Variants in XPO1 observed in about 807,000 individuals in gnomAD.
The protein encoded by XPO1 is exportin 1.
A neutral mutation model predicts 133.3 loss-of-function variants in XPO1; 5 were observed. The ratio of observed to expected loss-of-function variants is 0.04; its 90% CI spans 0.02 to 0.08. The LOEUF is 0.08. Ranked by LOEUF, XPO1 falls within the 10% of genes least tolerant of loss-of-function variation. The pLI, the probability that XPO1 is intolerant of heterozygous loss-of-function variation, is 1.00. For missense variants in XPO1, 506 were observed against 1,267.5 expected (o/e 0.40, Z 9.12); for synonymous variants, 419 against 408.2 (o/e 1.03, Z -0.32).
At chr2:61,491,432 C>CA (rs1165268040) in intron 16 of XPO1, among the ~76,000 whole-genome samples, 3 of 149,866 alleles carry the variant, frequency 2.0e-5, no homozygotes, top group Admixed American at 6.7e-5. Flanking sequence ...GCATGGACGA[C>CA]AGAGTGAAAC....
At chr2:61,518,133 A>G (rs1166395854) in intron 4 of XPO1, among the ~76,000 whole-genome samples, 1 of 147,738 alleles carries the variant, frequency 6.8e-6, no homozygotes, top group Non-Finnish European at 1.5e-5. Flanking sequence ...CTGTCTCACA[A>G]AAAAAAAAGA....
rs948732669 is a variant in XPO1 at position 61,478,488 on chromosome 2, T to G, written c.*332A>C. ...AATTGGTATTGTTTACAGGAAAAAT[T>G]GTATAATTTTGCATTAGAATTACAA... On this transcript the variant is annotated 3_prime_UTR_variant, in exon 25 of 25. Transcript: ENST00000401558. 1.8e-5 allele frequency: 5 copies of G among 275,364 alleles called. No homozygotes were observed. Among genetic ancestry groups the G allele is most frequent in the Non-Finnish European group, 3.4e-5 (5 of 146,640 alleles). The allele number at this position is 275,364 out of a possible 1,614,324, so 17.1% of individuals were successfully genotyped here. A position where few individuals can be genotyped will look rare whatever the true frequency, so the allele number is the denominator to read the frequency against.
At chr2:61,512,594 T>C (rs552612940) in intron 4 of XPO1, among the ~76,000 whole-genome samples, 1 of 152,210 alleles carries the variant, frequency 6.6e-6, no homozygotes, top group Non-Finnish European at 1.5e-5. Context: ...TAATCAGGAA[T>C]TGACATTAAA....
chr2:61,501,682 C>T (rs1697528022), intron 6 of XPO1, among the ~76,000 whole-genome samples: 1 of 147,060 alleles, frequency 6.8e-6, no homozygotes, highest in African/African-American at 2.6e-5. Context: ...GAGATCATGC[C>T]ACTGCACTCC....
chr2:61,480,248 T>C (rs138224337), intron 24 of XPO1: 1 of 152,082 alleles, frequency 6.6e-6, no homozygotes, highest in African/African-American at 2.4e-5. Context: ...AGTTTAGTTA[T>C]ATTATCATTG....
At chr2:61,526,542 A>C (rs2104781719) in intron 2 of XPO1, 21 bp from the exon 3 acceptor site, 1 of 1,535,790 alleles carries the variant, frequency 6.5e-7, no homozygotes, top group South Asian at 1.3e-5. Context: ...ATTAAAAAAA[A>C]CAAAACTTAA....
Position 61,501,989 on chromosome 2 carries a change from A to G in XPO1, c.408+7T>C, listed in dbSNP as rs775022783. The G allele has an allele frequency of 3.1e-6, 5 of 1,589,406 alleles. No homozygotes were observed. The South Asian group carries it at 4.6e-5, about 15-fold the overall frequency. The stretch of plus-strand genomic sequence containing the variant: ...CTTCTAAGGAAAACAGTTAAGTTAA[A>G]GCTTACCTGAACAAGGATCATATTT... On this transcript the variant is annotated splice_region_variant and intron_variant, in intron 6 of 24. Coordinates refer to ENST00000401558, the MANE Select transcript of XPO1 (RefSeq NM_003400.4).
chr2:61,512,287 T>C (rs1194923034), intron 4 of XPO1, among the ~76,000 whole-genome samples: 1 of 152,200 alleles, frequency 6.6e-6, no homozygotes, highest in African/African-American at 2.4e-5. Flanking sequence ...CACCTCTGAG[T>C]AACACTATCA....
rs184013735 is a variant in XPO1, at chr2:61,512,906, T to C, written c.301+9705A>G. On this transcript the variant is annotated intron_variant, in intron 4 of 24. Coordinates refer to ENST00000401558, the MANE Select transcript of XPO1 (RefSeq NM_003400.4). ...AAATACAAAAATTAGCCGGGTGTGG[T>C]GGTGTGCACCTGTAATCTGGCAGGT... Among the ~76,000 whole-genome samples the C allele has an allele frequency of 1.1e-3, 171 of 152,174 alleles. 2 individuals carry two copies. The highest frequency in any genetic ancestry group is 3.4e-3 in the Middle Eastern group (1 of 294).
chr2:61,514,192 A>C (rs1698239281), intron 4 of XPO1, among the ~76,000 whole-genome samples: 1 of 152,024 alleles, frequency 6.6e-6, no homozygotes, highest in Non-Finnish European at 1.5e-5. Flanking sequence ...GTCTCAAAAA[A>C]AAAAAAAACT....
chr2:61,495,783 T>A (rs1697213632), intron 10 of XPO1, among the ~76,000 whole-genome samples, 170 bp from the exon 11 acceptor site: 1 of 152,042 alleles, frequency 6.6e-6, no homozygotes. Context: ...TCAGTCCTCC[T>A]CAGCCCCTCC....
chr2:61,481,437 A>G (rs1003501912), intron 23 of XPO1, among the ~76,000 whole-genome samples, 156 bp from the exon 24 acceptor site: 3 of 149,520 alleles, frequency 2.0e-5, no homozygotes, highest in East Asian at 2.1e-4. Context: ...GCGTCCCAAT[A>G]ATGTTTTTTT....
rs747204172 is a variant in XPO1, at chr2:61,492,332, G to A, written c.1716C>T (p.Phe572=). 5.7e-6 allele frequency: 9 copies of A among 1,588,856 alleles called. No individual in the cohort carries two copies. In the East Asian group the frequency reaches 1.6e-4, roughly 28 times the overall value. Residue 572 remains phenylalanine, a synonymous_variant, in exon 15 of 25, where the codon TTC becomes TTT. Transcript: ENST00000401558. The surrounding 1 kb of genome is among the most constrained non-coding windows in gnomAD (Gnocchi z 5.6). ...LKTVVNKLFE[F]MHETHDGVQD... ...GTAAAGAAAGAGATTTACCATGCAT[G>A]AATTCGAACAGCTTGTTAACTACAG...
At chr2:61,491,932 A>C (rs766239060) in intron 16 of XPO1, 103 bp downstream of exon 16, 2 of 1,341,104 alleles carry the variant, frequency 1.5e-6, no homozygotes, top group African/African-American at 3.0e-5. Context: ...AATCAGAAAC[A>C]CTTCTATTGG....
chr2:61,503,464 G>T (rs1051489574), intron 4 of XPO1, among the ~76,000 whole-genome samples: 2 of 151,186 alleles, frequency 1.3e-5, no homozygotes, highest in African/African-American at 4.9e-5. Flanking sequence ...TCGCTCTGTC[G>T]CCCAGGCTGG....
chr2:61,481,113 A>T, intron 24 of XPO1, 72 bp downstream of exon 24: 2 of 949,470 alleles, frequency 2.1e-6, no homozygotes, highest in South Asian at 3.9e-5. Context: ...CAAGTGATAA[A>T]AATTCTACAA....
At chr2:61,506,568 C>T (rs1340152426) in intron 4 of XPO1, among the ~76,000 whole-genome samples, 1 of 126,292 alleles carries the variant, frequency 7.9e-6, no homozygotes, top group Admixed American at 9.5e-5. Flanking sequence ...CACTGCACTC[C>T]AGTCTGGGCG....
At chr2:61,537,377 C>A (rs1351470817) in intron 1 of XPO1, among the ~76,000 whole-genome samples, 185 bp downstream of exon 1, 2 of 150,950 alleles carry the variant, frequency 1.3e-5, no homozygotes, top group East Asian at 3.9e-4. Context: ...CCTCCATCCC[C>A]CAGCGGCAAA....
chr2:61,537,470 G>GGCCGCC (rs930225608), intron 1 of XPO1, 92 bp downstream of exon 1: 4 of 146,598 alleles, frequency 2.7e-5, no homozygotes, highest in African/African-American at 9.9e-5. Flanking sequence ...CGCTTCCCGC[G>GGCCGCC]GCCGCCGCCG....
Sources: gnomAD v4.1 joint callset for allele counts (sites outside exome capture counted in the v4.1 genomes callset) on GRCh38, gnomAD v4.1.1 for gene constraint, Gnocchi (gnomAD v3.1) non-coding constraint, MANE v1.5 for transcripts, NCBI Gene and HGNC (gene_info 2026-07-23, HGNC 2026-07-21) for gene names.